AUTS2: variants seen among roughly 807,000 people sequenced by gnomAD.
The protein encoded by AUTS2 is activator of transcription and developmental regulator AUTS2.
A neutral mutation model predicts 112.4 loss-of-function variants in AUTS2; 17 were observed. The observed-to-expected ratio is 0.15, with a 90% CI of 0.10 to 0.23. The LOEUF (loss-of-function observed/expected upper bound fraction) is 0.23. AUTS2 is among the 10% of genes least tolerant of loss of function. AUTS2 has a pLI of 1.00. For missense variants in AUTS2, 1,510 were observed against 1,701.6 expected (o/e 0.89, Z 1.98); for synonymous variants, 751 against 702.7 (o/e 1.07, Z -1.09).
In AUTS2 at chr7:70,774,011, G is replaced by T. The variant is rs532144979; in HGVS notation, c.1831-17G>T. The T allele has an allele frequency of 6.2e-7, 1 of 1,613,680 alleles. No individual in the cohort carries two copies. The highest frequency in any genetic ancestry group is 8.5e-7 in the Non-Finnish European group (1 of 1,179,594). On this transcript the variant is annotated splice_polypyrimidine_tract_variant and intron_variant, in intron 11 of 18. Coordinates refer to ENST00000342771, the MANE Select transcript of AUTS2 (RefSeq NM_015570.4). ...TTTTGTGCTTCCTAAGTAAGCTGTGGTCTAATTAATTTGTAGACATCCAAC... is the reference window on the plus strand; with the variant it reads ...TTTTGTGCTTCCTAAGTAAGCTGTGTTCTAATTAATTTGTAGACATCCAAC...
chr7:70,063,720 G>A (rs1802362669), intron 2 of AUTS2, among the ~76,000 whole-genome samples: 2 of 152,098 alleles, frequency 1.3e-5, no homozygotes, highest in Non-Finnish European at 2.9e-5. Context: ...TTCTTTGAAT[G>A]TATTTGTAAA....
intron 5 of AUTS2, among the ~76,000 whole-genome samples, chr7:70,590,150 GTA>G (rs1491526781): frequency 0.14 from 17,578 of 121,784 alleles, 1,236 homozygotes; most frequent in African/African-American, 0.28. Flanking sequence ...GTGTGTGTGT[GTA>G]TGTATGTATA....
At chr7:70,312,793 C>G (rs1213936575) in intron 4 of AUTS2, among the ~76,000 whole-genome samples, 1 of 152,218 alleles carries the variant, frequency 6.6e-6, no homozygotes, top group Non-Finnish European at 1.5e-5. Context: ...AGCCACAAGT[C>G]ACACGGGGCT....
In AUTS2 at chr7:69,916,156, T is replaced by C. The variant is rs562655774; in HGVS notation, c.522+16658T>C. ...GTTATTTTTTTCCCAAAAGATAATT[T>C]ATAAACTGCTTTTTTGTTTGTGGAA... On this transcript the variant is annotated intron_variant, in intron 2 of 18. Coordinates refer to ENST00000342771, the MANE Select transcript of AUTS2 (RefSeq NM_015570.4). Among the ~76,000 whole-genome samples the C allele has an allele frequency of 4.9e-4, 75 of 152,376 alleles. 1 individual carries two copies. The Middle Eastern group carries it at 0.01, about 21-fold the overall frequency.
intron 1 of AUTS2, among the ~76,000 whole-genome samples, chr7:69,832,782 C>T (rs1791558214): frequency 6.6e-6 from 1 of 152,184 alleles, no homozygotes; most frequent in Admixed American, 6.5e-5. Context: ...AACCTACAAG[C>T]ATACTCTTAG....
chr7:70,361,947 G>A (rs1792289015), intron 4 of AUTS2, among the ~76,000 whole-genome samples: 2 of 152,164 alleles, frequency 1.3e-5, no homozygotes, highest in Admixed American at 6.5e-5. Flanking sequence ...CAAACTTAAA[G>A]GATTCTAGTT....
At chr7:70,469,469 C>A (rs1187618923) in intron 5 of AUTS2, among the ~76,000 whole-genome samples, 1 of 152,102 alleles carries the variant, frequency 6.6e-6, no homozygotes, top group Non-Finnish European at 1.5e-5. Flanking sequence ...TTTGGCATCT[C>A]TAGAAAGCCT....
chr7:69,606,276 T>C (rs1444421378), intron 1 of AUTS2, among the ~76,000 whole-genome samples: 2 of 152,204 alleles, frequency 1.3e-5, no homozygotes, highest in African/African-American at 4.8e-5. Flanking sequence ...GATTATTTAG[T>C]TTTAAAGAAT....
At chr7:70,032,961 A>G (rs1049243165) in intron 2 of AUTS2, among the ~76,000 whole-genome samples, 2 of 152,162 alleles carry the variant, frequency 1.3e-5, no homozygotes, top group African/African-American at 2.4e-5. Flanking sequence ...CTATATTTGT[A>G]TTAAATATCC....
At chr7:70,655,182 C>T (rs1318897397) in intron 5 of AUTS2, among the ~76,000 whole-genome samples, 1 of 152,230 alleles carries the variant, frequency 6.6e-6, no homozygotes, top group Non-Finnish European at 1.5e-5. Context: ...GGCCCCTGCC[C>T]ACATGGCTTT....
Position 70,568,663 on chromosome 7 carries a change from C to G in AUTS2, c.691-129906C>G, listed in dbSNP as rs955245541. Among the ~76,000 whole-genome samples the G allele has an allele frequency of 2.1e-4, 32 of 152,188 alleles. 1 individual carries two copies. Among genetic ancestry groups the G allele is most frequent in the Admixed American group, 1.5e-3 (23 of 15,288 alleles). On this transcript the variant is annotated intron_variant, in intron 5 of 18. Coordinates refer to ENST00000342771, the MANE Select transcript of AUTS2 (RefSeq NM_015570.4). Reference sequence around the variant, plus strand: ...GTGGCTGTGCTGGGGTTTGAGGTCTCTCGTTCAGACCAGGTATGTGAGGGC... The same window carrying G: ...GTGGCTGTGCTGGGGTTTGAGGTCTGTCGTTCAGACCAGGTATGTGAGGGC...
chr7:69,980,849 G>A (rs1319448718), intron 2 of AUTS2, among the ~76,000 whole-genome samples: 2 of 152,126 alleles, frequency 1.3e-5, no homozygotes, highest in East Asian at 3.9e-4. Context: ...TGCAGTGAGG[G>A]CTCGTTTTAG....
chr7:69,739,129 TG>T (rs780369175), intron 1 of AUTS2, among the ~76,000 whole-genome samples: 2 of 151,598 alleles, frequency 1.3e-5, no homozygotes, highest in East Asian at 3.9e-4. Flanking sequence ...CTTCAGGGGG[TG>T]GGAATAACAA....
chr7:70,567,031 T>C (rs922633666), intron 5 of AUTS2, among the ~76,000 whole-genome samples: 3 of 152,202 alleles, frequency 2.0e-5, no homozygotes, highest in Non-Finnish European at 4.4e-5. Flanking sequence ...CTTGTAGATT[T>C]CTCCAAATCC....
At chr7:69,654,435 A>G (rs1795429285) in intron 1 of AUTS2, among the ~76,000 whole-genome samples, 1 of 152,216 alleles carries the variant, frequency 6.6e-6, no homozygotes, top group South Asian at 2.1e-4. Context: ...AGTACTTAAC[A>G]TGTGCCCAGC....
At chr7:69,635,188 A>G (rs1185711761) in intron 1 of AUTS2, among the ~76,000 whole-genome samples, 1 of 152,098 alleles carries the variant, frequency 6.6e-6, no homozygotes, top group Non-Finnish European at 1.5e-5. Context: ...TCCTTATTGG[A>G]GTTTGCTGTG....
chr7:70,554,393 C>CTTTTTTTTTTTTTTTTTTTTTTTTTTT (rs34757734), intron 5 of AUTS2, among the ~76,000 whole-genome samples: 2 of 116,050 alleles, frequency 1.7e-5, no homozygotes, highest in African/African-American at 6.9e-5. Context: ...TCTTTTCTTT[C>CTTTTTTTTTTTTTTTTTTTTTTTTTTT]TTTTTTTTTT....
chr7:70,317,653 G>C, intron 4 of AUTS2, among the ~76,000 whole-genome samples: 1 of 152,156 alleles, frequency 6.6e-6, no homozygotes, highest in Non-Finnish European at 1.5e-5. Flanking sequence ...ACCCTGACAA[G>C]CATGAGTGGG....
intron 4 of AUTS2, among the ~76,000 whole-genome samples, chr7:70,430,002 A>G (rs1473031043): frequency 2.6e-5 from 4 of 152,222 alleles, no homozygotes; most frequent in African/African-American, 4.8e-5. Context: ...ACTCTTGTCA[A>G]TAAGGACTTG....
Sources: allele counts gnomAD v4.1 joint callset (sites outside exome capture counted in the v4.1 genomes callset), GRCh38; gene constraint gnomAD v4.1.1; transcripts MANE v1.5; gene names NCBI Gene and HGNC (gene_info 2026-07-23, HGNC 2026-07-21).